GPC6: variants seen among roughly 807,000 people sequenced by gnomAD.
GPC6 encodes glypican-6.
A neutral mutation model predicts 55.2 loss-of-function variants in GPC6; 14 were observed. The observed-to-expected ratio is 0.25, with a 90% CI of 0.17 to 0.40. The LOEUF is 0.40. Ranked by LOEUF, GPC6 falls within the 10% of genes least tolerant of loss-of-function variation. GPC6 has a pLI of 1.00. For synonymous variants in GPC6, 278 were observed against 259.6 expected (o/e 1.07, Z -0.68); for missense variants, 641 against 708.5 (o/e 0.90, Z 1.08).
intron 4 of GPC6, among the ~76,000 whole-genome samples, chr13:94,176,045 T>C (rs1042230157): frequency 8.0e-5 from 12 of 150,842 alleles, no homozygotes; most frequent in African/African-American, 2.7e-4. Context: ...AATGAGCTAT[T>C]CATTTTATTA....
At position 94,251,461 on chromosome 13, in the gene GPC6, A is replaced by AG. The variant is rs1409940926; in HGVS notation, c.878-34886dup. Among the ~76,000 whole-genome samples the AG allele has an allele frequency of 8.2e-5, 6 of 73,482 alleles. 1 individual carries two copies. In the Middle Eastern group the frequency reaches 0.021, roughly 261 times the overall value. The allele number at this position is 73,482 out of a possible 152,430, so 48.2% of individuals were successfully genotyped here. A position where few individuals can be genotyped will look rare whatever the true frequency, so the allele number is the denominator to read the frequency against. On this transcript the variant is annotated intron_variant, in intron 4 of 8. Transcript: ENST00000377047. ...TCTGCACTTGTATCCCAGAACTTAA[A>AG]GGAAAAAAAAAAAAACACGGACTGG... is the stretch of plus-strand genomic sequence containing the variant.
chr13:94,270,196 T>C (rs1891946722), intron 4 of GPC6, among the ~76,000 whole-genome samples: 1 of 152,220 alleles, frequency 6.6e-6, no homozygotes, highest in African/African-American at 2.4e-5. Context: ...AAAATGTGTT[T>C]ACTATACTTT....
intron 7 of GPC6, among the ~76,000 whole-genome samples, chr13:94,394,829 A>G (rs909834938): frequency 6.6e-6 from 1 of 152,226 alleles, no homozygotes; most frequent in Non-Finnish European, 1.5e-5. Flanking sequence ...GCAGCTGAGC[A>G]TCAGTAGGCA....
At chr13:93,807,654 T>C (rs1886580149) in intron 2 of GPC6, among the ~76,000 whole-genome samples, 1 of 152,208 alleles carries the variant, frequency 6.6e-6, no homozygotes, top group Non-Finnish European at 1.5e-5. Context: ...CCAATGACTT[T>C]TGCATTCTTT....
intron 3 of GPC6, among the ~76,000 whole-genome samples, chr13:93,948,123 A>T (rs1879095332): frequency 6.6e-6 from 1 of 152,234 alleles, no homozygotes; most frequent in Non-Finnish European, 1.5e-5. Flanking sequence ...TAACTTGTCC[A>T]GTCCAGAATT....
At chr13:94,174,055 A>T (rs564766307) in intron 4 of GPC6, among the ~76,000 whole-genome samples, 1 of 152,338 alleles carries the variant, frequency 6.6e-6, no homozygotes, top group South Asian at 2.1e-4. Flanking sequence ...CTAGTTACAT[A>T]TGATTTTAGC....
intron 2 of GPC6, among the ~76,000 whole-genome samples, chr13:93,574,608 A>G (rs1372563622): frequency 1.3e-5 from 2 of 152,132 alleles, no homozygotes; most frequent in Non-Finnish European, 2.9e-5. Context: ...CAACCATTTG[A>G]AGTGTATGAT....
chr13:93,583,671 C>T (rs977729575), intron 2 of GPC6, among the ~76,000 whole-genome samples: 4 of 152,238 alleles, frequency 2.6e-5, no homozygotes, highest in Non-Finnish European at 4.4e-5. Context: ...CCGCCTCTGT[C>T]TCCCAAAGTG....
At chr13:94,379,568 G>C (rs1880065694) in intron 6 of GPC6, among the ~76,000 whole-genome samples, 1 of 152,110 alleles carries the variant, frequency 6.6e-6, no homozygotes, top group Non-Finnish European at 1.5e-5. Flanking sequence ...ACACAGTATT[G>C]TGACCCCAGC....
intron 4 of GPC6, among the ~76,000 whole-genome samples, chr13:94,285,339 G>T (rs1418323551): frequency 6.6e-6 from 1 of 152,136 alleles, no homozygotes; most frequent in Non-Finnish European, 1.5e-5. Flanking sequence ...GTGGTTGGGG[G>T]AGATGAGTTT....
At chr13:94,079,327 G>T (rs1048907807) in intron 4 of GPC6, among the ~76,000 whole-genome samples, 1 of 151,992 alleles carries the variant, frequency 6.6e-6, no homozygotes. Flanking sequence ...ATTAAATTCT[G>T]CGATCCTTTC....
chr13:93,562,358 A>T (rs977299629), intron 2 of GPC6, among the ~76,000 whole-genome samples: 11 of 152,142 alleles, frequency 7.2e-5, no homozygotes, highest in African/African-American at 2.2e-4. Context: ...TAACATATGA[A>T]ATTTAGCAAT....
chr13:93,261,812 A>C (rs538012143), intron 1 of GPC6, among the ~76,000 whole-genome samples: 1 of 152,244 alleles, frequency 6.6e-6, no homozygotes, highest in African/African-American at 2.4e-5. Context: ...AACCTGGTAT[A>C]TAGTGAAAAA....
chr13:93,241,407 T>C (rs1261590366), intron 1 of GPC6, among the ~76,000 whole-genome samples: 2 of 152,222 alleles, frequency 1.3e-5, no homozygotes, highest in Non-Finnish European at 2.9e-5. Context: ...TCTGAAATTA[T>C]TTCTTTTGCT....
At chr13:93,461,056 C>T (rs1878665510) in intron 1 of GPC6, among the ~76,000 whole-genome samples, 1 of 152,030 alleles carries the variant, frequency 6.6e-6, no homozygotes, top group African/African-American at 2.4e-5. Context: ...ATGAATCTTG[C>T]AGTGGTGGAT....
chr13:93,405,498 A>C (rs1462801940), intron 1 of GPC6, among the ~76,000 whole-genome samples: 2 of 152,170 alleles, frequency 1.3e-5, no homozygotes, highest in Non-Finnish European at 2.9e-5. Flanking sequence ...AGTCATTTCC[A>C]GGTGGAATGT....
In GPC6 at chr13:93,378,779, T is replaced by C. The variant is rs190707783; in HGVS notation, c.160+151163T>C. ...GGGAGGCCGCAGCGGGTGGATCATCTGAGGTCAGGAGTTAGAGACCAGCCT... is the reference window on the plus strand; with the variant it reads ...GGGAGGCCGCAGCGGGTGGATCATCCGAGGTCAGGAGTTAGAGACCAGCCT... On this transcript the variant is annotated intron_variant, in intron 1 of 8. Transcript: ENST00000377047. 4.0e-3 allele frequency among the ~76,000 whole-genome samples: 602 copies of C among 152,168 alleles called. 1 individual carries two copies. The highest frequency in any genetic ancestry group is 6.8e-3 in the Middle Eastern group (2 of 294).
chr13:93,716,583 T>C (rs891918030), intron 2 of GPC6, among the ~76,000 whole-genome samples: 1 of 151,582 alleles, frequency 6.6e-6, no homozygotes, highest in African/African-American at 2.4e-5. Flanking sequence ...CTGTACAACG[T>C]TTTTGTGTTT....
intron 1 of GPC6, chr13:93,395,061 G>C (rs1304108379): frequency 1.5e-5 from 4 of 262,770 alleles, no homozygotes; most frequent in Non-Finnish European, 3.0e-5. Context: ...TGTGAAGACT[G>C]ACTGTTGTAA....
Sources: allele counts gnomAD v4.1 joint callset (sites outside exome capture counted in the v4.1 genomes callset), GRCh38; gene constraint gnomAD v4.1.1; transcripts MANE v1.5; gene names NCBI Gene and HGNC (gene_info 2026-07-23, HGNC 2026-07-21).